Variants in MAPK10 observed in about 807,000 individuals in gnomAD.
The protein encoded by MAPK10 is mitogen-activated protein kinase 10.
A neutral mutation model predicts 59.3 loss-of-function variants in MAPK10; 25 were observed. That is an observed-to-expected ratio of 0.42 (90% CI 0.31 to 0.59). MAPK10 has a LOEUF of 0.59. Among genes scored for constraint, MAPK10 ranks in the 20% least tolerant of loss-of-function variants. The probability of loss-of-function intolerance (pLI) is 0.15; values close to 1 mark genes in which losing one functional copy is unlikely to be tolerated. For missense variants in MAPK10, 351 were observed against 568.9 expected, an observed-to-expected ratio of 0.62 and a Z score of 3.90; for synonymous variants, 190 against 200.5, an observed-to-expected ratio of 0.95 and a Z score of 0.44.
chr4:86,148,987 G>A (rs537340920), intron 4 of MAPK10, among the ~76,000 whole-genome samples: 1 of 152,260 alleles, frequency 6.6e-6, no homozygotes. Context: ...AGGTAGGAGG[G>A]CACCAGGAAA....
chr4:86,354,551 T>G lies in MAPK10; in HGVS notation c.-28A>C. On this transcript the variant is annotated 5_prime_UTR_variant, in exon 2 of 14. The change abolishes an upstream ATG in the 5' untranslated region. Transcript: ENST00000641462. ...TCACCACAGCTTGTATGGTTTCTCA[T>G]CTATAGGAAACGGGTCTAATTCAAC... 1 of 1,230,098 alleles carries G rather than the reference T, an allele frequency of 8.1e-7. No individual in the cohort carries two copies. The highest frequency in any genetic ancestry group is 1.0e-6 in the Non-Finnish European group (1 of 986,152). 76.2% of individuals were successfully genotyped at this position (1,230,098 alleles called of 1,614,324 possible).
intron 11 of MAPK10, among the ~76,000 whole-genome samples, chr4:86,058,176 G>A (rs775646075): frequency 2.0e-5 from 3 of 149,640 alleles, no homozygotes; most frequent in Non-Finnish European, 4.4e-5. Flanking sequence ...TTTACTAGGG[G>A]AGGTCCTTGA....
chr4:86,422,854 G>T (rs188797627), intron 1 of MAPK10, among the ~76,000 whole-genome samples: 12 of 152,198 alleles, frequency 7.9e-5, no homozygotes, highest in Admixed American at 4.6e-4. Context: ...TAGCAAACAG[G>T]AATTATATTA....
At chr4:86,483,859 T>C (rs1430959492) in intron 1 of MAPK10, among the ~76,000 whole-genome samples, 1 of 152,270 alleles carries the variant, frequency 6.6e-6, no homozygotes, top group African/African-American at 2.4e-5. Context: ...AACCTTTCTA[T>C]GATTGAGGGC....
At chr4:86,493,363 A>T (rs1244424199) in intron 1 of MAPK10, among the ~76,000 whole-genome samples, 2 of 152,208 alleles carry the variant, frequency 1.3e-5, no homozygotes, top group Non-Finnish European at 2.9e-5. Context: ...TTAACTCCTT[A>T]TGCTAGATTA....
chr4:86,179,112 G>T (rs1188312339), intron 3 of MAPK10, among the ~76,000 whole-genome samples: 1 of 152,082 alleles, frequency 6.6e-6, no homozygotes, highest in East Asian at 1.9e-4. Context: ...TGAGGCAGGA[G>T]AATCACTTGA....
intron 1 of MAPK10, among the ~76,000 whole-genome samples, chr4:86,591,890 T>C (rs1763072931): frequency 6.6e-6 from 1 of 152,172 alleles, no homozygotes; most frequent in African/African-American, 2.4e-5. Context: ...TGCCTTGTAC[T>C]TGACTTCAAT....
chr4:86,254,859 T>G (rs1044889839), intron 2 of MAPK10, among the ~76,000 whole-genome samples: 1 of 152,100 alleles, frequency 6.6e-6, no homozygotes, highest in Non-Finnish European at 1.5e-5. Context: ...TTTTAAAGGC[T>G]TATAAAAATT....
chr4:86,116,148 A>G (rs559889880), intron 4 of MAPK10, among the ~76,000 whole-genome samples: 1 of 152,240 alleles, frequency 6.6e-6, no homozygotes, highest in African/African-American at 2.4e-5. Flanking sequence ...AAGAATGGCA[A>G]TCAGTCATGA....
At chr4:86,550,357 C>T (rs1306934830) in intron 1 of MAPK10, among the ~76,000 whole-genome samples, 8 of 115,976 alleles carry the variant, frequency 6.9e-5, no homozygotes, top group African/African-American at 2.8e-4. Context: ...ATCAGAAGGG[C>T]TAAGCAGAGC....
chr4:86,313,372 T>C (rs2095709904), intron 2 of MAPK10, among the ~76,000 whole-genome samples: 1 of 152,050 alleles, frequency 6.6e-6, no homozygotes, highest in East Asian at 1.9e-4. Context: ...ACTATAAAAA[T>C]AAAAGGTTGA....
chr4:86,458,914 C>G (rs1751474597), intron 1 of MAPK10, among the ~76,000 whole-genome samples: 1 of 152,008 alleles, frequency 6.6e-6, no homozygotes, highest in Admixed American at 6.6e-5. Flanking sequence ...AGATAAATAG[C>G]TGGGACTTAA....
chr4:86,324,726 A>G (rs2095982785), intron 2 of MAPK10, among the ~76,000 whole-genome samples: 2 of 152,222 alleles, frequency 1.3e-5, no homozygotes, highest in East Asian at 3.9e-4. Context: ...CATAAAGAGC[A>G]TTATTAATAA....
chr4:86,490,545 C>T (rs1198168611), intron 1 of MAPK10, among the ~76,000 whole-genome samples: 1 of 152,130 alleles, frequency 6.6e-6, no homozygotes, highest in African/African-American at 2.4e-5. Flanking sequence ...GAAACAAAAA[C>T]AAAAACTCCC....
intron 1 of MAPK10, among the ~76,000 whole-genome samples, chr4:86,481,752 T>G (rs1753631047): frequency 6.6e-6 from 1 of 152,194 alleles, no homozygotes; most frequent in Non-Finnish European, 1.5e-5. Flanking sequence ...AGAATGTAGT[T>G]GTCTTACAAT....
chr4:86,039,167 T>A (rs1029406030), intron 11 of MAPK10, among the ~76,000 whole-genome samples: 2 of 152,054 alleles, frequency 1.3e-5, no homozygotes, highest in Non-Finnish European at 2.9e-5. Context: ...CACAGAAACA[T>A]CAATTTGAAC....
intron 2 of MAPK10, among the ~76,000 whole-genome samples, chr4:86,349,588 G>A (rs1730103995): frequency 6.6e-6 from 1 of 152,198 alleles, no homozygotes; most frequent in South Asian, 2.1e-4. Flanking sequence ...ATAATGCACA[G>A]GTTACTGTGA....
intron 10 of MAPK10, 39 bp downstream of exon 10, chr4:86,067,734 C>A: frequency 1.3e-6 from 2 of 1,560,226 alleles, no homozygotes; most frequent in African/African-American, 1.4e-5. Flanking sequence ...TGGCCCGTCA[C>A]CCTCATAGTT....
At chr4:86,504,857 T>C (rs530068122) in intron 1 of MAPK10, among the ~76,000 whole-genome samples, 4 of 152,226 alleles carry the variant, frequency 2.6e-5, no homozygotes, top group African/African-American at 9.6e-5. Flanking sequence ...GGAAAAGAAG[T>C]GCTACAAGAT....
Sources: allele counts gnomAD v4.1 joint callset (sites outside exome capture counted in the v4.1 genomes callset), GRCh38; gene constraint gnomAD v4.1.1; transcripts MANE v1.5; gene names NCBI Gene and HGNC (gene_info 2026-07-23, HGNC 2026-07-21).